The following TMEM39A variants were observed in gnomAD, a reference collection of about 807,000 sequenced individuals.
TMEM39A encodes transmembrane protein 39A, also known as suppressor of SQST-1 aggregates in rpl-43 mutants.
In TMEM39A, 19 loss-of-function variants were observed where a neutral mutation model predicts 51.9. The ratio of observed to expected loss-of-function variants is 0.37; its 90% confidence interval spans 0.26 to 0.54. The LOEUF (loss-of-function observed/expected upper bound fraction) is 0.54, where lower values mean the gene tolerates loss of function less well. Among genes scored for constraint, TMEM39A ranks in the 20% least tolerant of loss-of-function variants. The pLI is 0.88. For synonymous variants in TMEM39A, 197 were observed against 220.2 expected (o/e 0.89, Z 0.93); for missense variants, 433 against 590.5 (o/e 0.73, Z 2.76).
Position 119,458,041 on chromosome 3 carries a change from G to A in TMEM39A, c.313C>T (p.His105Tyr). 1 of 1,613,768 alleles carries A rather than the reference G, an allele frequency of 6.2e-7. No homozygotes were observed. The highest frequency in any genetic ancestry group is 8.5e-7 in the Non-Finnish European group (1 of 1,179,746). The change falls in exon 3 of 9, where the codon CAT becomes TAT. Residue 105 changes from histidine to tyrosine, a missense_variant. Physicochemically the swap from His to Tyr is moderately conservative, Grantham distance 83. Coordinates refer to ENST00000319172, the MANE Select transcript of TMEM39A (RefSeq NM_018266.3). ...ACCAGTGATGTACAAGAAGCAGGAT[G>A]ATTGTAAGGATACCACCACACTGTT... ...YKTVWWYPYN[H>Y]PASCTSLNFH...
intron 5 of TMEM39A, 168 bp downstream of exon 5, chr3:119,446,850 C>T: frequency 1.3e-6 from 1 of 783,488 alleles, no homozygotes; most frequent in Non-Finnish European, 2.0e-6. Flanking sequence ...AACTGTACTC[C>T]AGTTTAGAAA....
At position 119,435,870 on chromosome 3, in the gene TMEM39A, C is replaced by T. The variant is rs1017953538; in HGVS notation, c.1112+921G>A. ...TTTATTGAAATCTGTCCTTTGCCCACAGTCGGGTTTCTTTTCAGCCTGGCC... is the reference window on the plus strand; with the variant it reads ...TTTATTGAAATCTGTCCTTTGCCCATAGTCGGGTTTCTTTTCAGCCTGGCC... On this transcript the variant is annotated intron_variant, in intron 7 of 8. Coordinates refer to ENST00000319172, the MANE Select transcript of TMEM39A (RefSeq NM_018266.3). 31 of 1,289,450 alleles carry T rather than the reference C, an allele frequency of 2.4e-5. No homozygotes were observed. In the East Asian group the frequency reaches 1.5e-3, roughly 62 times the overall value. The allele number at this position is 1,289,450 out of a possible 1,614,324, so 79.9% of individuals were successfully genotyped here.
intron 1 of TMEM39A, among the ~76,000 whole-genome samples, chr3:119,463,036 C>CT (rs2081360831): frequency 1.3e-5 from 2 of 152,342 alleles, no homozygotes; most frequent in Admixed American, 1.3e-4. Context: ...CTCCCTATTC[C>CT]TAACAGCCTT....
chr3:119,438,711 C>T (rs1043551472), intron 5 of TMEM39A, among the ~76,000 whole-genome samples: 33 of 152,158 alleles, frequency 2.2e-4, no homozygotes, highest in Admixed American at 2.1e-3. Flanking sequence ...TTTCCCAATA[C>T]GTGTGTACGT....
Position 119,463,427 on chromosome 3 carries a change from C to T in TMEM39A, c.-166G>A. 1 of 395,240 alleles carries T rather than the reference C, an allele frequency of 2.5e-6. No individual in the cohort carries two copies. Among genetic ancestry groups the T allele is most frequent in the Non-Finnish European group, 4.5e-6 (1 of 224,470 alleles). 24.5% of individuals were successfully genotyped at this position (395,240 alleles called of 1,614,324 possible). A position where few individuals can be genotyped will look rare whatever the true frequency, so the allele number is the denominator to read the frequency against. On this transcript the variant is annotated 5_prime_UTR_variant, in exon 1 of 9. Transcript: ENST00000319172. ...CCCAGGTAAGGGAACTCCCTCCCAG[C>T]GTTGGAACGCTGCAAACCAGCTGCT...
chr3:119,458,338 T>A (rs1698007935), intron 2 of TMEM39A, 98 bp from the exon 3 acceptor site: 2 of 984,764 alleles, frequency 2.0e-6, no homozygotes, highest in Non-Finnish European at 3.1e-6. Flanking sequence ...CCCTTCACTG[T>A]CTGCTTTCCC....
At chr3:119,432,785 C>T (rs2080917955) in intron 8 of TMEM39A, among the ~76,000 whole-genome samples, 1 of 152,048 alleles carries the variant, frequency 6.6e-6, no homozygotes, top group Non-Finnish European at 1.5e-5. Context: ...GTTTACCCAC[C>T]ATGGTCACTG....
At chr3:119,460,303 G>C (rs1275463799) in intron 2 of TMEM39A, among the ~76,000 whole-genome samples, 1 of 152,040 alleles carries the variant, frequency 6.6e-6, no homozygotes, top group Non-Finnish European at 1.5e-5. Flanking sequence ...TGAAGGCAGA[G>C]AAAAGAATAC....
At chr3:119,442,017 C>T (rs1195690835) in intron 5 of TMEM39A, among the ~76,000 whole-genome samples, 3 of 152,198 alleles carry the variant, frequency 2.0e-5, no homozygotes, top group Non-Finnish European at 4.4e-5. Flanking sequence ...CACTGTTGAA[C>T]CTACGGTTTA....
intron 1 of TMEM39A, among the ~76,000 whole-genome samples, chr3:119,462,893 G>GAAAA (rs34748121): frequency 7.0e-6 from 1 of 142,402 alleles, no homozygotes; most frequent in African/African-American, 2.6e-5. Context: ...ATCCTCACTG[G>GAAAA]AAAAAAAAAA....
chr3:119,446,073 T>C (rs2081120780), intron 5 of TMEM39A, among the ~76,000 whole-genome samples: 1 of 152,204 alleles, frequency 6.6e-6, no homozygotes, highest in African/African-American at 2.4e-5. Context: ...ATAAATTAGG[T>C]ACATTAAGAG....
chr3:119,446,186 C>T (rs759365098), intron 5 of TMEM39A, among the ~76,000 whole-genome samples: 6 of 152,168 alleles, frequency 3.9e-5, no homozygotes, highest in Non-Finnish European at 5.9e-5. Context: ...CATGATTTTT[C>T]GTCTTTCCTT....
chr3:119,432,772 A>T (rs1335073737), intron 8 of TMEM39A, among the ~76,000 whole-genome samples: 1 of 152,122 alleles, frequency 6.6e-6, no homozygotes, highest in African/African-American at 2.4e-5. Context: ...TTTTCCTTAA[A>T]CTGTTTACCC....
intron 7 of TMEM39A, 122 bp downstream of exon 7, chr3:119,436,669 T>C: frequency 9.4e-7 from 1 of 1,064,462 alleles, no homozygotes; most frequent in East Asian, 2.4e-5. Flanking sequence ...CAAGCATCCA[T>C]GTAAGACAAA....
At chr3:119,437,675 G>A (rs1412943805) in intron 6 of TMEM39A, 80 bp downstream of exon 6, 4 of 1,181,590 alleles carry the variant, frequency 3.4e-6, no homozygotes, top group Non-Finnish European at 4.8e-6. Context: ...CAGAGAAAAG[G>A]GGGATTAAAC....
Position 119,450,695 on chromosome 3 carries a change from G to A in TMEM39A, c.420+1752C>T, listed in dbSNP as rs9875225. ...AAATTAGCTGGGTATGGTCGTGGGC[G>A]CCTGCAATCCCAGCTACTCAGGAGG... On this transcript the variant is annotated intron_variant, in intron 4 of 8. Coordinates refer to ENST00000319172, the MANE Select transcript of TMEM39A (RefSeq NM_018266.3). Among the ~76,000 whole-genome samples, 471 of 151,786 alleles carry A rather than the reference G, an allele frequency of 3.1e-3. 1 individual carries two copies. The highest frequency in any genetic ancestry group is 0.011 in the African/African-American group (436 of 41,360).
At chr3:119,458,319 T>C (rs1010420454) in intron 2 of TMEM39A, 79 bp from the exon 3 acceptor site, 2 of 1,184,958 alleles carry the variant, frequency 1.7e-6, no homozygotes, top group Non-Finnish European at 2.5e-6. Flanking sequence ...TGCTGTCTCC[T>C]CCATCTACCC....
chr3:119,447,057 C>T lies in TMEM39A; in HGVS notation c.536G>A (p.Arg179Gln), dbSNP rs559521023. The change falls in exon 5 of 9, where the codon CGA becomes CAA. Residue 179 changes from arginine (R) to glutamine (Q), a missense_variant. By Grantham distance (43) the Arg-to-Gln change is conservative. Coordinates refer to ENST00000319172, the MANE Select transcript of TMEM39A (RefSeq NM_018266.3). ...VLCWTLVNLF[R>Q]SHSVLNLLFL... is the part of the protein sequence containing the mutation. ...AAGGAGATTGAGGACTGAATGGCTT[C>T]GAAAGAGATTGACGAGGGTCCAACA... The T allele has an allele frequency of 3.1e-6, 5 of 1,614,088 alleles. No individual in the cohort carries two copies. The highest frequency in any genetic ancestry group is 2.2e-5 in the East Asian group (1 of 44,874).
At chr3:119,444,160 T>C (rs1043163601) in intron 5 of TMEM39A, among the ~76,000 whole-genome samples, 6 of 152,168 alleles carry the variant, frequency 3.9e-5, no homozygotes, top group Admixed American at 1.3e-4. Flanking sequence ...TTTCTTTATA[T>C]ACTTAAATTG....
Sources: gnomAD v4.1 joint callset for allele counts (sites outside exome capture counted in the v4.1 genomes callset) on GRCh38, gnomAD v4.1.1 for gene constraint, MANE v1.5 for transcripts, NCBI Gene and HGNC (gene_info 2026-07-23, HGNC 2026-07-21) for gene names.